ZNF197: variants seen among roughly 807,000 people sequenced by gnomAD.
ZNF197 encodes VHL-associated KRAB-A domain-containing protein.
In ZNF197, 14 loss-of-function variants were observed where a neutral mutation model predicts 27.4. The observed-to-expected ratio is 0.51, with a 90% CI of 0.34 to 0.80. The LOEUF (loss-of-function observed/expected upper bound fraction) is 0.80, where lower values mean the gene tolerates loss of function less well. ZNF197 is among the 30% of genes least tolerant of loss of function. The pLI is 0.02. For synonymous variants in ZNF197, 415 were observed against 420.0 expected (o/e 0.99, Z 0.15); for missense variants, 1,090 against 1,222.6 (o/e 0.89, Z 1.62).
In ZNF197 at chr3:44,642,392, CAG is replaced by C. The variant is rs1702661559; in HGVS notation, c.1263_1264del (p.Lys424ThrfsTer3). 5.0e-6 allele frequency: 8 copies of C among 1,614,096 alleles called. No homozygotes were observed. The highest frequency in any genetic ancestry group is 1.7e-5 in the Admixed American group (1 of 60,018). ...CTTCTAATGCATTTACGGAACCATT[CAG>C]GGGAGAAACCTTATAAATGTAATGA... On this transcript the variant is annotated frameshift_variant, in exon 6 of 6. Coordinates refer to ENST00000344387, the MANE Select transcript of ZNF197 (RefSeq NM_006991.5). LOFTEE classifies it low-confidence loss of function (END_TRUNC).
chr3:44,629,668 C>G, intron 2 of ZNF197, 124 bp downstream of exon 2: 2 of 1,244,704 alleles, frequency 1.6e-6, no homozygotes, highest in Non-Finnish European at 2.2e-6. Flanking sequence ...CACTAGCAAC[C>G]TTAATGATAA....
chr3:44,628,972 G>T (rs1701823279), intron 1 of ZNF197, 102 bp from the exon 2 acceptor site: 1 of 817,590 alleles, frequency 1.2e-6, no homozygotes, highest in Non-Finnish European at 1.9e-6. Context: ...ACTCACAAAG[G>T]TTCTCTTTAT....
Position 44,646,695 on chromosome 3 carries a change from A to G in ZNF197, c.*2475A>G. The G allele has an allele frequency of 3.6e-6, 2 of 559,930 alleles. No individual in the cohort carries two copies. The highest frequency in any genetic ancestry group is 6.4e-6 in the Non-Finnish European group (2 of 313,096). The allele number at this position is 559,930 out of a possible 1,614,324, so 34.7% of individuals were successfully genotyped here. ...TACCATTCTCTGCTTTTGTGTATGT[A>G]TGAAAATTTCGATATGAAAGGTATA... On this transcript the variant is annotated 3_prime_UTR_variant, in exon 6 of 6. Coordinates refer to ENST00000344387, the MANE Select transcript of ZNF197 (RefSeq NM_006991.5).
At position 44,643,257 on chromosome 3, in the gene ZNF197, A is replaced by C. The variant is rs745734498; in HGVS notation, c.2127A>C (p.Arg709=). The part of the protein sequence containing the change: ...LHNGEKPYEC[R]ECGKTFIMSK... ...ATGGGGAGAAGCCATATGAATGTCG[A>C]GAGTGTGGGAAAACCTTTATTATGA... Residue 709 remains arginine, a synonymous_variant, in exon 6 of 6, where the codon CGA becomes CGC. Transcript: ENST00000344387. 4.6e-5 allele frequency: 75 copies of C among 1,614,026 alleles called. No homozygotes were observed. The highest frequency in any genetic ancestry group is 6.0e-5 in the Non-Finnish European group (71 of 1,180,032).
At position 44,642,368 on chromosome 3, in the gene ZNF197, T is replaced by C. The variant is rs1327600014; in HGVS notation, c.1238T>C (p.Leu413Pro). ...AAAGGCTTTATTCAGCGTTCGAGCC[T>C]TCTAATGCATTTACGGAACCATTCA... The part of the protein sequence containing the change: ...CGKGFIQRSS[L>P]LMHLRNHSGE... Residue 413 changes from leucine to proline, a missense_variant, in exon 6 of 6, where the codon CTT becomes CCT. Physicochemically the swap from Leu to Pro is moderately conservative, Grantham distance 98. Coordinates refer to ENST00000344387, the MANE Select transcript of ZNF197 (RefSeq NM_006991.5). 6.2e-7 allele frequency: 1 copy of C among 1,614,138 alleles called. No homozygotes were observed. The highest frequency in any genetic ancestry group is 8.5e-7 in the Non-Finnish European group (1 of 1,180,034).
rs774837239 is a variant in ZNF197, at chr3:44,643,391, G to A, written c.2261G>A (p.Arg754Lys). 2.5e-6 allele frequency: 4 copies of A among 1,614,084 alleles called. No homozygotes were observed. In the South Asian group the frequency reaches 4.4e-5, roughly 18 times the overall value. Residue 754 changes from arginine (R) to lysine (K), a missense_variant, in exon 6 of 6, where the codon AGA becomes AAA. Transcript: ENST00000344387. ...SYNSSLLVHR[R>K]IHTGEKPFEC... ...AATTCAAGCCTGCTTGTACATCGGA[G>A]AATCCACACCGGAGAAAAACCCTTT...
In ZNF197 at chr3:44,632,211, C is replaced by G. The variant is rs1308099876; in HGVS notation, c.642+15C>G. ...CCCAGCCCCAGGTAAGGTTTGCATC[C>G]TCTTTCCTTCCCATCTGCACAGCGT... On this transcript the variant is annotated intron_variant, in intron 4 of 5. Coordinates refer to ENST00000344387, the MANE Select transcript of ZNF197 (RefSeq NM_006991.5). 1.9e-6 allele frequency: 3 copies of G among 1,612,980 alleles called. No individual in the cohort carries two copies. The highest frequency in any genetic ancestry group is 2.5e-6 in the Non-Finnish European group (3 of 1,179,046).
Position 44,645,786 on chromosome 3 carries a change from A to C in ZNF197, c.*1566A>C. Reference sequence around the variant, plus strand: ...GGACATAAATTTTTCACATGGAGCCAAGCTCTTCACTGATTAAGCCAGTGC... The same window carrying C: ...GGACATAAATTTTTCACATGGAGCCCAGCTCTTCACTGATTAAGCCAGTGC... On this transcript the variant is annotated 3_prime_UTR_variant, in exon 6 of 6. Transcript: ENST00000344387. 1.0e-6 allele frequency: 1 copy of C among 985,440 alleles called. No homozygotes were observed. Among genetic ancestry groups the C allele is most frequent in the South Asian group, 4.7e-5 (1 of 21,290 alleles). The allele number at this position is 985,440 out of a possible 1,614,324, so 61.0% of individuals were successfully genotyped here.
rs962862051 is a variant in ZNF197 at position 44,632,174 on chromosome 3, T to C, written c.620T>C (p.Met207Thr). 2 of 1,614,216 alleles carry C rather than the reference T, an allele frequency of 1.2e-6. No individual in the cohort carries two copies. The highest frequency in any genetic ancestry group is 8.5e-7 in the Non-Finnish European group (1 of 1,180,030). The change falls in exon 4 of 6, where the codon ATG becomes ACG. Residue 207 changes from methionine to threonine, a missense_variant. By Grantham distance (81) the Met-to-Thr change is moderately conservative. Transcript: ENST00000344387. ...ENPRNQLMAL[M>T]LLTAQPQELV... ...CCAAGAAATCAATTAATGGCACTTA[T>C]GCTCCTAACAGCCCAGCCCCAGGTA... is the stretch of plus-strand genomic sequence containing the variant.
Position 44,645,672 on chromosome 3 carries a change from T to C in ZNF197, c.*1452T>C. 1 of 985,446 alleles carries C rather than the reference T, an allele frequency of 1.0e-6. No homozygotes were observed. The highest frequency in any genetic ancestry group is 1.2e-6 in the Non-Finnish European group (1 of 829,942). 61.0% of individuals were successfully genotyped at this position (985,446 alleles called of 1,614,324 possible). A position where few individuals can be genotyped will look rare whatever the true frequency, so the allele number is the denominator to read the frequency against. ...AGCTGATGATCCCTGCCACAGTCAT[T>C]GTGAATTCTAATCAATATTTCATCA... On this transcript the variant is annotated 3_prime_UTR_variant, in exon 6 of 6. Transcript: ENST00000344387.
chr3:44,637,805 A>C (rs1179591771), intron 5 of ZNF197, among the ~76,000 whole-genome samples: 3 of 152,198 alleles, frequency 2.0e-5, no homozygotes, highest in Non-Finnish European at 2.9e-5. Flanking sequence ...TCTCAAATCT[A>C]GTCCTTTGAT....
intron 5 of ZNF197, among the ~76,000 whole-genome samples, chr3:44,634,014 A>C (rs1193442678): frequency 2.0e-5 from 3 of 152,152 alleles, no homozygotes; most frequent in Non-Finnish European, 4.4e-5. Context: ...CAGTCTGTAG[A>C]TTTTATACTT....
chr3:44,641,771 T>C, intron 5 of ZNF197, 129 bp from the exon 6 acceptor site: 1 of 1,089,972 alleles, frequency 9.2e-7, no homozygotes, highest in Non-Finnish European at 1.3e-6. Context: ...CTTCCTTTAA[T>C]GAAAAGTTTC....
chr3:44,635,150 T>C (rs1480253078), intron 5 of ZNF197, among the ~76,000 whole-genome samples: 6 of 147,762 alleles, frequency 4.1e-5, no homozygotes, highest in Non-Finnish European at 7.4e-5. Flanking sequence ...AAATTCCAGA[T>C]AGGTCTAAGA....
Position 44,644,620 on chromosome 3 carries a change from C to A in ZNF197, c.*400C>A, listed in dbSNP as rs1302908824. On this transcript the variant is annotated 3_prime_UTR_variant, in exon 6 of 6. Coordinates refer to ENST00000344387, the MANE Select transcript of ZNF197 (RefSeq NM_006991.5). ...CGCCATTGCACTCCAGCCTGGGCAA[C>A]AAGAGCGAAACTCTTGTCTGAAAAA... 74 of 989,072 alleles carry A rather than the reference C, an allele frequency of 7.5e-5. No individual in the cohort carries two copies. Among genetic ancestry groups the A allele is most frequent in the Non-Finnish European group, 8.3e-5 (69 of 832,600 alleles). 61.3% of individuals were successfully genotyped at this position (989,072 alleles called of 1,614,324 possible).
chr3:44,644,140 C>T lies in ZNF197; in HGVS notation c.3010C>T (p.Gln1004Ter). Residue 1004 changes from glutamine (Q) to a stop codon, truncating the protein, a stop_gained, in exon 6 of 6, where the codon CAA becomes TAA. Coordinates refer to ENST00000344387, the MANE Select transcript of ZNF197 (RefSeq NM_006991.5). LOFTEE classifies it high-confidence loss of function. ...EFSQTSNLHL[Q>*]QKIHTIEEFS... ...CTCTCAGACTTCCAACCTTCATCTT[C>T]AACAGAAAATCCATACCATTGAGGA... is the stretch of plus-strand genomic sequence containing the variant. 1 of 1,613,932 alleles carries T rather than the reference C, an allele frequency of 6.2e-7. No individual in the cohort carries two copies. The highest frequency in any genetic ancestry group is 8.5e-7 in the Non-Finnish European group (1 of 1,179,968).
intron 1 of ZNF197, among the ~76,000 whole-genome samples, chr3:44,625,363 G>A (rs1167471662): frequency 6.6e-6 from 1 of 152,228 alleles, no homozygotes; most frequent in African/African-American, 2.4e-5. Context: ...CCGAGTCTGT[G>A]TGTGTTTGTG....
chr3:44,629,372 C>T lies in ZNF197; in HGVS notation c.218C>T (p.Pro73Leu). 1.2e-6 allele frequency: 2 copies of T among 1,614,102 alleles called. No individual in the cohort carries two copies. The highest frequency in any genetic ancestry group is 1.7e-6 in the Non-Finnish European group (2 of 1,180,000). ...LRELCRRWLR[P>L]EARTKAQILE... is the part of the protein sequence containing the mutation. The stretch of plus-strand genomic sequence containing the variant: ...GAACTCTGTCGCCGGTGGCTGAGAC[C>T]AGAAGCACGCACCAAGGCACAGATC... Residue 73 changes from proline (P) to leucine (L), a missense_variant, in exon 2 of 6, where the codon CCA becomes CTA. Pro to Leu is a moderately conservative substitution (Grantham distance 98). Coordinates refer to ENST00000344387, the MANE Select transcript of ZNF197 (RefSeq NM_006991.5).
Position 44,643,664 on chromosome 3 carries a change from C to G in ZNF197, c.2534C>G (p.Pro845Arg), listed in dbSNP as rs1277621110. ...CAGAGGATCCATACTGGTGAGAAGCCCTATGCGTGTAGTGAGTGTGGAAAA... is the reference window on the plus strand; with the variant it reads ...CAGAGGATCCATACTGGTGAGAAGCGCTATGCGTGTAGTGAGTGTGGAAAA... ...AHQRIHTGEKPYACSECGKGF... is the reference protein window; with the variant it reads ...AHQRIHTGEKRYACSECGKGF... Residue 845 changes from proline (P) to arginine (R), a missense_variant, in exon 6 of 6, where the codon CCC (proline) becomes CGC (arginine). Transcript: ENST00000344387. 1.2e-6 allele frequency: 2 copies of G among 1,614,074 alleles called. No individual in the cohort carries two copies. The highest frequency in any genetic ancestry group is 1.7e-6 in the Non-Finnish European group (2 of 1,180,016).
Sources: allele counts gnomAD v4.1 joint callset (sites outside exome capture counted in the v4.1 genomes callset), GRCh38; gene constraint gnomAD v4.1.1; transcripts MANE v1.5; gene names NCBI Gene and HGNC (gene_info 2026-07-23, HGNC 2026-07-21).